HIVEP3: variants seen among roughly 807,000 people sequenced by gnomAD.
HIVEP3 encodes the protein HIVEP zinc finger 3, also known as transcription factor HIVEP3.
HIVEP3 carries 49 observed loss-of-function variants against 152.8 expected under a neutral mutation model. That is an observed-to-expected ratio of 0.32 (90% CI 0.26 to 0.41). The LOEUF is 0.41. Ranked by LOEUF, HIVEP3 falls within the 10% of genes least tolerant of loss-of-function variation. The pLI, the probability that HIVEP3 is intolerant of heterozygous loss-of-function variation, is 1.00. For missense variants in HIVEP3, 2,790 were observed against 3,103.3 expected (o/e 0.90, Z 2.40); for synonymous variants, 1,269 against 1,289.0 (o/e 0.98, Z 0.33).
chr1:41,993,920 T>A (rs1276666735), intron 1 of HIVEP3, among the ~76,000 whole-genome samples: 1 of 144,046 alleles, frequency 6.9e-6, no homozygotes, highest in Non-Finnish European at 1.5e-5. Context: ...AAACACCGCA[T>A]ATTCTCACTC....
intron 6 of HIVEP3, among the ~76,000 whole-genome samples, chr1:41,523,647 G>A (rs915365421): frequency 1.3e-5 from 2 of 152,082 alleles, no homozygotes; most frequent in African/African-American, 4.8e-5. Context: ...GACCCTGCTG[G>A]GCCCCCTCCA....
Position 41,642,810 on chromosome 1 carries a change from C to A in HIVEP3, c.-720-13863G>T, listed in dbSNP as rs1197632096. Among the ~76,000 whole-genome samples the A allele has an allele frequency of 4.6e-5, 7 of 152,274 alleles. No individual in the cohort carries two copies. In the South Asian group the frequency reaches 1.0e-3, roughly 23 times the overall value. ...TGCAGCCCATCAGTGTCCACATGATCCTCTCGGTTCTTCTTGAGGGACCCG... is the reference window on the plus strand; with the variant it reads ...TGCAGCCCATCAGTGTCCACATGATACTCTCGGTTCTTCTTGAGGGACCCG... On this transcript the variant is annotated intron_variant, in intron 2 of 8. Transcript: ENST00000372583.
intron 1 of HIVEP3, among the ~76,000 whole-genome samples, chr1:41,754,759 G>C (rs1206971623): frequency 6.6e-6 from 1 of 152,204 alleles, no homozygotes; most frequent in Non-Finnish European, 1.5e-5. Context: ...CTGGCTGCCT[G>C]CTTAGGTTCA....
At chr1:42,004,750 C>T (rs1645448862) in intron 1 of HIVEP3, among the ~76,000 whole-genome samples, 1 of 152,154 alleles carries the variant, frequency 6.6e-6, no homozygotes, top group Non-Finnish European at 1.5e-5. Context: ...AGCAGCATCA[C>T]CTGTGAACCC....
chr1:41,518,973 G>A (rs1318845372), intron 6 of HIVEP3, among the ~76,000 whole-genome samples: 1 of 152,114 alleles, frequency 6.6e-6, no homozygotes, highest in East Asian at 1.9e-4. Context: ...TTCTGGCTGA[G>A]GACACCTCTA....
intron 2 of HIVEP3, among the ~76,000 whole-genome samples, chr1:41,670,249 C>A (rs567135801): frequency 2.6e-4 from 39 of 152,248 alleles, no homozygotes; most frequent in Non-Finnish European, 4.7e-4. Flanking sequence ...CTGTGAGGGG[C>A]AGGGCAGGGA....
intron 1 of HIVEP3, among the ~76,000 whole-genome samples, chr1:42,009,832 T>C (rs3856259): frequency 0.68 from 103,326 of 152,120 alleles, 35,738 homozygotes; most frequent in East Asian, 0.96. Context: ...TATTATATTG[T>C]CTTTTTACAT....
intron 1 of HIVEP3, among the ~76,000 whole-genome samples, chr1:41,758,817 T>G (rs1647481076): frequency 6.6e-6 from 1 of 152,156 alleles, no homozygotes; most frequent in Non-Finnish European, 1.5e-5. Flanking sequence ...TCAGAAAAAT[T>G]TAAAGACATT....
At chr1:41,825,846 G>T (rs1235033256) in intron 1 of HIVEP3, among the ~76,000 whole-genome samples, 1 of 152,046 alleles carries the variant, frequency 6.6e-6, no homozygotes, top group African/African-American at 2.4e-5. Flanking sequence ...GGGCTCAAGT[G>T]ATCTGCCCAC....
intron 1 of HIVEP3, among the ~76,000 whole-genome samples, chr1:41,825,434 C>A (rs1642772092): frequency 6.6e-6 from 1 of 152,042 alleles, no homozygotes; most frequent in Non-Finnish European, 1.5e-5. Flanking sequence ...CCACGCCCAG[C>A]TAATATTTTC....
intron 2 of HIVEP3, among the ~76,000 whole-genome samples, chr1:41,641,064 T>A (rs1645364623): frequency 6.6e-6 from 1 of 152,252 alleles, no homozygotes; most frequent in Non-Finnish European, 1.5e-5. Flanking sequence ...CTTCTCCCTC[T>A]TCCTCTTCTG....
At chr1:41,949,414 C>T (rs947763844) in intron 1 of HIVEP3, among the ~76,000 whole-genome samples, 1 of 152,208 alleles carries the variant, frequency 6.6e-6, no homozygotes, top group Admixed American at 6.5e-5. Context: ...CCTTGCAAGA[C>T]CAACTTAACT....
At chr1:41,796,759 T>C (rs1257827567) in intron 1 of HIVEP3, among the ~76,000 whole-genome samples, 2 of 152,254 alleles carry the variant, frequency 1.3e-5, no homozygotes, top group South Asian at 4.1e-4. Flanking sequence ...ACAATTAGAT[T>C]TTTTAAAAAA....
intron 8 of HIVEP3, among the ~76,000 whole-genome samples, 163 bp downstream of exon 8, chr1:41,512,653 G>A (rs1451342365): frequency 1.3e-5 from 2 of 152,254 alleles, no homozygotes; most frequent in Non-Finnish European, 2.9e-5. Flanking sequence ...AGCCAGCATG[G>A]TGCATGGCAC....
At chr1:41,565,493 C>T (rs1644146889) in intron 5 of HIVEP3, among the ~76,000 whole-genome samples, 2 of 151,822 alleles carry the variant, frequency 1.3e-5, no homozygotes, top group South Asian at 4.1e-4. Context: ...ACTCTTTAAA[C>T]TCCAGACATG....
chr1:41,641,668 G>A (rs1003208222), intron 2 of HIVEP3, among the ~76,000 whole-genome samples: 11 of 152,236 alleles, frequency 7.2e-5, no homozygotes, highest in Admixed American at 2.6e-4. Flanking sequence ...GTTTCGAGTC[G>A]GTGAACCAGA....
intron 1 of HIVEP3, among the ~76,000 whole-genome samples, chr1:41,950,367 C>A (rs904099247): frequency 6.6e-6 from 1 of 152,180 alleles, no homozygotes; most frequent in Non-Finnish European, 1.5e-5. Context: ...TCTCCTCCCC[C>A]ACCAGCCCCA....
In HIVEP3 at chr1:41,720,268, G is replaced by A. The variant is rs1646656163; in HGVS notation, c.-800-19273C>T. ...CCTCCAGGGCTGCTCCCAGGCCCCA[G>A]ACTGCAACTCTTGAAGGGCCTAAAG... On this transcript the variant is annotated intron_variant, in intron 1 of 8. Transcript: ENST00000372583. Among the ~76,000 whole-genome samples the A allele has an allele frequency of 2.0e-5, 3 of 152,286 alleles. No homozygotes were observed. The South Asian group carries it at 6.2e-4, about 32-fold the overall frequency.
intron 1 of HIVEP3, among the ~76,000 whole-genome samples, chr1:41,995,774 G>T (rs1025862341): frequency 6.6e-6 from 1 of 152,146 alleles, no homozygotes; most frequent in African/African-American, 2.4e-5. Flanking sequence ...AGTAATTTTA[G>T]ACTTTGATGA....
Sources: gnomAD v4.1 joint callset for allele counts (sites outside exome capture counted in the v4.1 genomes callset) on GRCh38, gnomAD v4.1.1 for gene constraint, MANE v1.5 for transcripts, NCBI Gene and HGNC (gene_info 2026-07-23, HGNC 2026-07-21) for gene names.